Variants in KCTD9 observed in about 807,000 individuals in gnomAD.
The protein encoded by KCTD9 is BTB/POZ domain-containing protein KCTD9.
KCTD9 carries 17 observed loss-of-function variants against 53.3 expected under a neutral mutation model. That is an observed-to-expected ratio of 0.32 (90% CI 0.22 to 0.48). The LOEUF is 0.48. KCTD9 is among the 20% of genes least tolerant of loss of function. The pLI, the probability that KCTD9 is intolerant of heterozygous loss-of-function variation, is 0.99. For synonymous variants in KCTD9, 128 were observed against 162.7 expected, an observed-to-expected ratio of 0.79 and a Z score of 1.62; for missense variants, 179 against 465.5, an observed-to-expected ratio of 0.38 and a Z score of 5.66.
chr8:25,457,644 G>C (rs892572711), intron 1 of KCTD9: 3 of 152,226 alleles, frequency 2.0e-5, no homozygotes, highest in Admixed American at 2.0e-4. Flanking sequence ...TCAGAGAGGA[G>C]GGCAAAAATC....
At chr8:25,457,024 C>G (rs1802453729) in intron 1 of KCTD9, among the ~76,000 whole-genome samples, 1 of 152,138 alleles carries the variant, frequency 6.6e-6, no homozygotes, top group Non-Finnish European at 1.5e-5. Context: ...AACATATTTT[C>G]GGGGTAGCAT....
At chr8:25,458,108 C>T in intron 1 of KCTD9, 91 bp downstream of exon 1, 1 of 1,312,456 alleles carries the variant, frequency 7.6e-7, no homozygotes, top group Non-Finnish European at 1.1e-6. Flanking sequence ...AGCCCCTCTA[C>T]CCAACTTCAC....
At chr8:25,449,871 T>C (rs1357187631) in intron 1 of KCTD9, among the ~76,000 whole-genome samples, 1 of 152,162 alleles carries the variant, frequency 6.6e-6, no homozygotes, top group Non-Finnish European at 1.5e-5. Context: ...TCTATTAGGC[T>C]TTCCCATGAC....
chr8:25,450,059 T>C (rs2117435745), intron 1 of KCTD9, among the ~76,000 whole-genome samples: 1 of 152,246 alleles, frequency 6.6e-6, no homozygotes, highest in East Asian at 1.9e-4. Context: ...GCAATCAAAG[T>C]ACAACAGGTA....
chr8:25,430,979 A>G (rs1253040951), intron 11 of KCTD9, among the ~76,000 whole-genome samples: 1 of 151,680 alleles, frequency 6.6e-6, no homozygotes, highest in East Asian at 1.9e-4. Flanking sequence ...ACAGGCACTC[A>G]CCACCACGCC....
At chr8:25,437,847 CAAAAAAAAAAAAAAA>C (rs59540797) in intron 6 of KCTD9, among the ~76,000 whole-genome samples, 15 of 62,536 alleles carry the variant, frequency 2.4e-4, no homozygotes, top group South Asian at 1.4e-3. Flanking sequence ...GACCCTGTCT[CAAAAAAAAAAAAAAA>C]AAAAAAAAAA....
At chr8:25,443,384 T>C (rs2117415955) in intron 3 of KCTD9, among the ~76,000 whole-genome samples, 1 of 152,248 alleles carries the variant, frequency 6.6e-6, no homozygotes, top group Non-Finnish European at 1.5e-5. Context: ...AGATTTCCAG[T>C]GGCAAAAAAT....
At chr8:25,454,728 C>A (rs1331728091) in intron 1 of KCTD9, among the ~76,000 whole-genome samples, 4 of 152,190 alleles carry the variant, frequency 2.6e-5, no homozygotes, top group African/African-American at 9.7e-5. Context: ...TGACCACACA[C>A]CCCATTGGTA....
intron 9 of KCTD9, 54 bp downstream of exon 9, chr8:25,435,309 C>T (rs1801997547): frequency 4.7e-6 from 6 of 1,288,106 alleles, no homozygotes; most frequent in Admixed American, 2.7e-5. Context: ...CTCTTTGAGA[C>T]TGTTCAATAG....
At chr8:25,455,280 A>T (rs888841787) in intron 1 of KCTD9, among the ~76,000 whole-genome samples, 13 of 151,848 alleles carry the variant, frequency 8.6e-5, no homozygotes, top group Non-Finnish European at 1.6e-4. Flanking sequence ...AACAAACAAA[A>T]ACCAAAAAAT....
intron 2 of KCTD9, among the ~76,000 whole-genome samples, chr8:25,445,510 T>C (rs570622991): frequency 2.3e-4 from 35 of 152,280 alleles, no homozygotes; most frequent in African/African-American, 7.9e-4. Flanking sequence ...ATAAGTGGCA[T>C]AGTCAATACT....
intron 3 of KCTD9, 144 bp from the exon 4 acceptor site, chr8:25,440,817 T>G: frequency 1.6e-6 from 1 of 630,922 alleles, no homozygotes. Context: ...ACCCACAGAC[T>G]GCATCTAAAA....
chr8:25,458,215 C>T lies in KCTD9; in HGVS notation c.32G>A (p.Ser11Asn). MRRVTLFLNGSPKNGKVVAVY... is the reference protein window; with the variant it reads MRRVTLFLNGNPKNGKVVAVY... ...CCCCGTTACCTTTCCGTTCTTGGGG[C>T]TGCCGTTCAGGAACAGGGTCACCCG... The change falls in exon 1 of 12, where the codon AGC becomes AAC. Residue 11 changes from serine to asparagine, a missense_variant. Around this residue, in one of 4 missense-constraint regions of KCTD9, gnomAD observed 115 missense variants for 250.9 expected, o/e 0.46. Coordinates refer to ENST00000221200, the MANE Select transcript of KCTD9 (RefSeq NM_017634.4). The T allele has an allele frequency of 1.3e-6, 2 of 1,493,246 alleles. No individual in the cohort carries two copies. The highest frequency in any genetic ancestry group is 1.1e-5 in the South Asian group (1 of 89,470). 92.5% of individuals were successfully genotyped at this position (1,493,246 alleles called of 1,614,324 possible).
At position 25,428,063 on chromosome 8, in the gene KCTD9, C is replaced by A. The variant is rs1454310836; in HGVS notation, c.*1794G>T. The A allele has an allele frequency of 6.6e-6, 1 of 152,564 alleles. No individual in the cohort carries two copies. Among genetic ancestry groups the A allele is most frequent in the East Asian group, 1.9e-4 (1 of 5,192 alleles). 9.5% of individuals were successfully genotyped at this position (152,564 alleles called of 1,614,324 possible). ...TTATATCATTTATTAATGCAGTATA[C>A]ATTAGATCTAAAATCTGCAGTTTCT... On this transcript the variant is annotated 3_prime_UTR_variant, in exon 12 of 12. Coordinates refer to ENST00000221200, the MANE Select transcript of KCTD9 (RefSeq NM_017634.4).
chr8:25,437,401 G>T (rs1802036749), intron 6 of KCTD9, among the ~76,000 whole-genome samples: 1 of 152,122 alleles, frequency 6.6e-6, no homozygotes, highest in Non-Finnish European at 1.5e-5. Flanking sequence ...ACAAAAGACA[G>T]GCCGGGCTCA....
rs1247294673 is a variant in KCTD9, at chr8:25,458,283, C to A, written c.-37G>T. 1 of 1,608,482 alleles carries A rather than the reference C, an allele frequency of 6.2e-7. No homozygotes were observed. On this transcript the variant is annotated 5_prime_UTR_variant, in exon 1 of 12. Transcript: ENST00000221200. ...CGCTGGGTCCTGAGTGAGCCGCCAC[C>A]CTCCCACCTGGTCCTCCTCCCACCT...
At chr8:25,439,916 CA>C in intron 4 of KCTD9, 1 of 532,308 alleles carries the variant, frequency 1.9e-6, no homozygotes, top group Non-Finnish European at 2.9e-6. Context: ...ATCCTGTAAG[CA>C]AATTATTACA....
In KCTD9 at chr8:25,429,571, T is replaced by A. The variant is rs1440534708; in HGVS notation, c.*286A>T. 2 of 253,564 alleles carry A rather than the reference T, an allele frequency of 7.9e-6. No homozygotes were observed. The highest frequency in any genetic ancestry group is 1.6e-5 in the Non-Finnish European group (2 of 128,644). The allele number at this position is 253,564 out of a possible 1,614,324, so 15.7% of individuals were successfully genotyped here. A position where few individuals can be genotyped will look rare whatever the true frequency, so the allele number is the denominator to read the frequency against. ...TTAAAAGCAAATATAATAGATACTATGCCTGGTCATAAAACCAGGTAAACC... is the reference window on the plus strand; with the variant it reads ...TTAAAAGCAAATATAATAGATACTAAGCCTGGTCATAAAACCAGGTAAACC... On this transcript the variant is annotated 3_prime_UTR_variant, in exon 12 of 12. Coordinates refer to ENST00000221200, the MANE Select transcript of KCTD9 (RefSeq NM_017634.4).
chr8:25,442,352 C>G (rs1041609254), intron 3 of KCTD9, among the ~76,000 whole-genome samples: 1 of 152,052 alleles, frequency 6.6e-6, no homozygotes, highest in Non-Finnish European at 1.5e-5. Context: ...GAGACCAACA[C>G]CTCAGGCCAG....
Sources: gnomAD v4.1 joint callset for allele counts (sites outside exome capture counted in the v4.1 genomes callset) on GRCh38, gnomAD v4.1.1 for gene constraint, gnomAD v4.1.1 regional missense constraint, MANE v1.5 for transcripts, NCBI Gene and HGNC (gene_info 2026-07-23, HGNC 2026-07-21) for gene names.